NFKB1: variants seen among roughly 807,000 people sequenced by gnomAD.
NFKB1 encodes nuclear factor NF-kappa-B p105 subunit.
NFKB1 carries 9 observed loss-of-function variants against 105.1 expected under a neutral mutation model. That is an observed-to-expected ratio of 0.09 (90% CI 0.05 to 0.15). NFKB1 has a LOEUF of 0.15. Among genes scored for constraint, NFKB1 ranks in the 10% least tolerant of loss-of-function variants. The probability of loss-of-function intolerance (pLI) is 1.00; values close to 1 mark genes in which losing one functional copy is unlikely to be tolerated. For missense variants in NFKB1, 830 were observed against 1,203.7 expected (o/e 0.69, Z 4.59); for synonymous variants, 440 against 442.2 (o/e 1.00, Z 0.06).
At chr4:102,564,542 C>T (rs1723700481) in intron 5 of NFKB1, among the ~76,000 whole-genome samples, 1 of 152,252 alleles carries the variant, frequency 6.6e-6, no homozygotes, top group African/African-American at 2.4e-5. Flanking sequence ...ATGGATCCAA[C>T]AGCACATGAG....
intron 13 of NFKB1, 98 bp from the exon 14 acceptor site, chr4:102,596,040 A>C: frequency 1.4e-6 from 1 of 721,534 alleles, no homozygotes; most frequent in Non-Finnish European, 2.1e-6. Flanking sequence ...TTTTGCAGCA[A>C]ACTTGTCTCT....
rs548825352 is a variant in NFKB1, at chr4:102,501,553, G to C, written c.-243G>C. The stretch of plus-strand genomic sequence containing the variant: ...CCGCAGCCGCCCGGCCAGTAAGGCG[G>C]CGCCGCCGCCCGGCCACCGCGCGCC... On this transcript the variant is annotated 5_prime_UTR_variant, in exon 1 of 24. Transcript: ENST00000226574. 6.8e-6 allele frequency: 1 copy of C among 146,636 alleles called. No individual in the cohort carries two copies. The highest frequency in any genetic ancestry group is 1.5e-5 in the Non-Finnish European group (1 of 65,842). 9.1% of individuals were successfully genotyped at this position (146,636 alleles called of 1,614,324 possible).
At chr4:102,525,223 A>G (rs1740831668) in intron 1 of NFKB1, among the ~76,000 whole-genome samples, 1 of 151,756 alleles carries the variant, frequency 6.6e-6, no homozygotes, top group Admixed American at 6.6e-5. Flanking sequence ...GATTTTTTAT[A>G]CAAAGCATAA....
rs1485949241 is a variant in NFKB1, at chr4:102,529,878, C to T, written c.82C>T (p.Pro28Ser). The change falls in exon 3 of 24, where the codon CCA (proline) becomes TCA (serine). Residue 28 changes from proline to serine, a missense_variant. By Grantham distance (74) the Pro-to-Ser change is moderately conservative. Coordinates refer to ENST00000226574, the MANE Select transcript of NFKB1 (RefSeq NM_003998.4). ...TTCTTTGACTCATACAATATTTAAT[C>T]CAGAAGTATTTCAACCACAGATGGC... is the stretch of plus-strand genomic sequence containing the variant. ...DPSLTHTIFNPEVFQPQMALP... is the reference protein window; with the variant it reads ...DPSLTHTIFNSEVFQPQMALP... 6.2e-7 allele frequency: 1 copy of T among 1,610,286 alleles called. No individual in the cohort carries two copies. The highest frequency in any genetic ancestry group is 1.3e-5 in the African/African-American group (1 of 74,870).
chr4:102,614,062 C>T lies in NFKB1; in HGVS notation c.2749+481C>T, dbSNP rs4648121. 6.9e-3 allele frequency among the ~76,000 whole-genome samples: 1,044 copies of T among 152,210 alleles called. 3 individuals carry two copies. Among genetic ancestry groups the T allele is most frequent in the South Asian group, 0.015 (73 of 4,818 alleles). ...CTATATTTCCTACAATTTTATTCTCCCACTCTGTAAATGATGATTCCATGC... is the reference window on the plus strand; with the variant it reads ...CTATATTTCCTACAATTTTATTCTCTCACTCTGTAAATGATGATTCCATGC... On this transcript the variant is annotated intron_variant, in intron 23 of 23. Coordinates refer to ENST00000226574, the MANE Select transcript of NFKB1 (RefSeq NM_003998.4).
chr4:102,591,979 G>T (rs1189151761), intron 11 of NFKB1, among the ~76,000 whole-genome samples: 2 of 152,228 alleles, frequency 1.3e-5, no homozygotes, highest in African/African-American at 4.8e-5. Flanking sequence ...GGAAGAAATT[G>T]ATTCCAGCCC....
intron 5 of NFKB1, among the ~76,000 whole-genome samples, chr4:102,540,796 A>G (rs1382906716): frequency 1.3e-5 from 2 of 151,884 alleles, no homozygotes; most frequent in African/African-American, 4.8e-5. Flanking sequence ...TTTTTTTTCC[A>G]GAGCTCTTCT....
chr4:102,577,154 C>A (rs1724892790), intron 7 of NFKB1, 115 bp downstream of exon 7: 4 of 1,094,596 alleles, frequency 3.7e-6, no homozygotes, highest in Non-Finnish European at 5.1e-6. Flanking sequence ...ACTGCTGTCA[C>A]CTTTTCCTTG....
rs748607205 is a variant in NFKB1, at chr4:102,502,375, T to TGCGCGC, written c.-8+598_-8+603dup. Among the ~76,000 whole-genome samples the TGCGCGC allele has an allele frequency of 7.5e-4, 63 of 83,676 alleles. 1 individual carries two copies. The highest frequency in any genetic ancestry group is 4.2e-3 in the East Asian group (11 of 2,614). The allele number at this position is 83,676 out of a possible 152,430, so 54.9% of individuals were successfully genotyped here. On this transcript the variant is annotated intron_variant, in intron 1 of 23. Transcript: ENST00000226574. Reference sequence around the variant, plus strand: ...TCTCTCTCCCCCCTCCCCCCCTCCGTGCGCGCGCGCGCGCGCACACACACA... The same window carrying TGCGCGC: ...TCTCTCTCCCCCCTCCCCCCCTCCGTGCGCGCGCGCGCGCGCGCGCGCACACACACA...
chr4:102,505,992 A>C (rs1361770401), intron 1 of NFKB1, among the ~76,000 whole-genome samples: 1 of 152,294 alleles, frequency 6.6e-6, no homozygotes, highest in East Asian at 1.9e-4. Context: ...TATTATGGAA[A>C]TCTTATCTAA....
At chr4:102,546,849 A>G (rs1722177388) in intron 5 of NFKB1, among the ~76,000 whole-genome samples, 1 of 152,184 alleles carries the variant, frequency 6.6e-6, no homozygotes, top group African/African-American at 2.4e-5. Context: ...AGGGGGAATC[A>G]GAAGATAAAA....
At chr4:102,581,389 CAT>C (rs1480164868) in intron 9 of NFKB1, among the ~76,000 whole-genome samples, 3 of 152,046 alleles carry the variant, frequency 2.0e-5, no homozygotes, top group African/African-American at 4.8e-5. Context: ...CAATAAAAGA[CAT>C]GTGGCTTTTA....
chr4:102,532,492 G>T (rs1741360667), intron 3 of NFKB1, among the ~76,000 whole-genome samples: 1 of 152,132 alleles, frequency 6.6e-6, no homozygotes, highest in African/African-American at 2.4e-5. Flanking sequence ...AGCTGGGCAT[G>T]GTGGTAGGCG....
chr4:102,579,544 C>T (rs895874563), intron 8 of NFKB1, among the ~76,000 whole-genome samples: 21 of 151,098 alleles, frequency 1.4e-4, no homozygotes, highest in African/African-American at 3.2e-4. Flanking sequence ...CCGGGTTTGG[C>T]GTCATGCCCT....
chr4:102,588,425 A>C (rs1725890817), intron 11 of NFKB1, among the ~76,000 whole-genome samples: 1 of 152,062 alleles, frequency 6.6e-6, no homozygotes, highest in Non-Finnish European at 1.5e-5. Context: ...AAGATAGTTG[A>C]GGAACTGCTG....
intron 20 of NFKB1, 87 bp downstream of exon 20, chr4:102,610,786 T>C: frequency 1.3e-6 from 2 of 1,485,296 alleles, no homozygotes; most frequent in East Asian, 4.6e-5. Flanking sequence ...CCTGGTGCTT[T>C]ATTCCCCAAA....
chr4:102,515,677 C>T (rs1740130485), intron 1 of NFKB1, among the ~76,000 whole-genome samples: 1 of 152,104 alleles, frequency 6.6e-6, no homozygotes, highest in Admixed American at 6.5e-5. Context: ...TGTTATACTT[C>T]TGTTTGTCCT....
chr4:102,611,846 C>T (rs998263381), intron 20 of NFKB1, among the ~76,000 whole-genome samples, 198 bp from the exon 21 acceptor site: 25 of 152,178 alleles, frequency 1.6e-4, no homozygotes, highest in African/African-American at 5.8e-4. Context: ...TTCCCAGTAC[C>T]AGAGCCCCTA....
At chr4:102,586,707 G>T (rs1236889437) in intron 11 of NFKB1, among the ~76,000 whole-genome samples, 1 of 152,204 alleles carries the variant, frequency 6.6e-6, no homozygotes, top group Admixed American at 6.5e-5. Flanking sequence ...AGAAGGGGCT[G>T]TGGCACAAAC....
Sources: gnomAD v4.1 joint callset for allele counts (sites outside exome capture counted in the v4.1 genomes callset) on GRCh38, gnomAD v4.1.1 for gene constraint, MANE v1.5 for transcripts, NCBI Gene and HGNC (gene_info 2026-07-23, HGNC 2026-07-21) for gene names.